Variants in CNTNAP5 observed in about 807,000 individuals in gnomAD.
CNTNAP5 encodes contactin associated protein family member 5, also known as contactin-associated protein-like 5.
Under a neutral mutation model 150.2 loss-of-function variants are expected in CNTNAP5, and 72 were observed. That is an observed-to-expected ratio of 0.48 (90% CI 0.40 to 0.58). The LOEUF (loss-of-function observed/expected upper bound fraction) is 0.58. Among genes scored for constraint, CNTNAP5 ranks in the 20% least tolerant of loss-of-function variants. The pLI is 0.00. For synonymous variants in CNTNAP5, 672 were observed against 619.8 expected (o/e 1.08, Z -1.25); for missense variants, 1,636 against 1,626.2 (o/e 1.01, Z -0.10).
intron 5 of CNTNAP5, among the ~76,000 whole-genome samples, chr2:124,438,537 G>A (rs972079728): frequency 6.6e-6 from 1 of 152,160 alleles, no homozygotes; most frequent in African/African-American, 2.4e-5. Context: ...ACTCAAGTGA[G>A]ACTCCTAGAA....
intron 21 of CNTNAP5, among the ~76,000 whole-genome samples, chr2:124,895,927 G>C (rs909833207): frequency 2.6e-5 from 4 of 151,546 alleles, no homozygotes; most frequent in Non-Finnish European, 5.9e-5. Context: ...TTGGGGGAAG[G>C]CCAATGGGCA....
chr2:124,896,999 T>A (rs1213433704), intron 21 of CNTNAP5, among the ~76,000 whole-genome samples: 1 of 151,650 alleles, frequency 6.6e-6, no homozygotes, highest in Non-Finnish European at 1.5e-5. Flanking sequence ...GCCTGAAACA[T>A]GTAACCATCT....
intron 20 of CNTNAP5, among the ~76,000 whole-genome samples, chr2:124,867,369 C>CT (rs1677655130): frequency 6.6e-6 from 1 of 152,050 alleles, no homozygotes; most frequent in Non-Finnish European, 1.5e-5. Context: ...TTTTCCCTAC[C>CT]TTTTTCTTAT....
At chr2:124,789,348 G>A (rs961826214) in intron 17 of CNTNAP5, among the ~76,000 whole-genome samples, 2 of 152,038 alleles carry the variant, frequency 1.3e-5, no homozygotes, top group Non-Finnish European at 2.9e-5. Context: ...GTATGTATAC[G>A]GAAAGAGCTT....
chr2:124,061,263 A>G (rs1285004162), intron 1 of CNTNAP5, among the ~76,000 whole-genome samples: 1 of 152,222 alleles, frequency 6.6e-6, no homozygotes, highest in Non-Finnish European at 1.5e-5. Context: ...TATTGTCTTT[A>G]ATCTATCACT....
chr2:124,399,853 A>T (rs74574937), intron 3 of CNTNAP5, among the ~76,000 whole-genome samples: 1 of 152,118 alleles, frequency 6.6e-6, no homozygotes. Flanking sequence ...ACACTTTATT[A>T]TTTGCCTCTC....
At chr2:124,038,163 G>A (rs1164069175) in intron 1 of CNTNAP5, among the ~76,000 whole-genome samples, 1 of 152,170 alleles carries the variant, frequency 6.6e-6, no homozygotes, top group East Asian at 1.9e-4. Flanking sequence ...GCTCAGTGAT[G>A]GGACCCTGTC....
At chr2:124,740,820 G>A (rs75828170) in intron 13 of CNTNAP5, among the ~76,000 whole-genome samples, 5,311 of 152,204 alleles carry the variant, frequency 0.035, 328 homozygotes, top group African/African-American at 0.12. Context: ...TTCTGGGGCC[G>A]TGGCTGGAGA....
chr2:124,419,354 G>C (rs1692023092), intron 4 of CNTNAP5, among the ~76,000 whole-genome samples: 1 of 152,080 alleles, frequency 6.6e-6, no homozygotes, highest in Non-Finnish European at 1.5e-5. Context: ...AAGAGTCACA[G>C]CATCGAGTTA....
intron 3 of CNTNAP5, among the ~76,000 whole-genome samples, chr2:124,305,291 A>G (rs922950859): frequency 3.9e-5 from 6 of 151,922 alleles, no homozygotes; most frequent in African/African-American, 1.5e-4. Flanking sequence ...CAAACAAAAA[A>G]GGTGACACTG....
chr2:124,179,456 G>A (rs796292591), intron 1 of CNTNAP5, among the ~76,000 whole-genome samples: 14 of 152,182 alleles, frequency 9.2e-5, no homozygotes, highest in African/African-American at 3.1e-4. Context: ...CATCATGCCC[G>A]GCCTAACTTC....
At chr2:124,901,236 T>G (rs984456808) in intron 21 of CNTNAP5, among the ~76,000 whole-genome samples, 1 of 151,576 alleles carries the variant, frequency 6.6e-6, no homozygotes, top group Admixed American at 6.6e-5. Context: ...CACAAAGATG[T>G]CTGTGTCCTA....
rs1679689365 is a variant in CNTNAP5 at position 124,707,100 on chromosome 2, GGAAGAAGAAGAGGAAGAAGAAGAAAGAA to G, written c.2078-40104_2078-40077del. Among the ~76,000 whole-genome samples the G allele has an allele frequency of 2.2e-5, 2 of 92,354 alleles. 1 individual carries two copies. Among genetic ancestry groups the G allele is most frequent in the Non-Finnish European group, 4.4e-5 (2 of 45,690 alleles). The allele number at this position is 92,354 out of a possible 152,430, so 60.6% of individuals were successfully genotyped here. On this transcript the variant is annotated intron_variant, in intron 13 of 23. Coordinates refer to ENST00000682447, the MANE Select transcript of CNTNAP5 (RefSeq NM_001367498.1). Reference sequence around the variant, plus strand: ...AAGAAGAAGAGGAAGAAGAAGAAGAGGAAGAAGAAGAGGAAGAAGAAGAAAGAAGAAGAAGAAGAGGAAGAAGAAGAAG... The same window carrying G: ...AAGAAGAAGAGGAAGAAGAAGAAGAGGAAGAAGAAGAGGAAGAAGAAGAAG...
At chr2:124,512,018 G>A (rs1694603660) in intron 8 of CNTNAP5, among the ~76,000 whole-genome samples, 1 of 151,356 alleles carries the variant, frequency 6.6e-6, no homozygotes, top group Non-Finnish European at 1.5e-5. Context: ...AAATATATTA[G>A]GTCTTCAACC....
intron 12 of CNTNAP5, 79 bp from the exon 13 acceptor site, chr2:124,647,678 TG>T: frequency 7.8e-7 from 1 of 1,281,046 alleles, no homozygotes; most frequent in Non-Finnish European, 1.1e-6. Flanking sequence ...GCACGCTGAG[TG>T]GCCCATCACA....
intron 3 of CNTNAP5, among the ~76,000 whole-genome samples, chr2:124,392,253 G>A (rs1691133472): frequency 6.6e-6 from 1 of 152,138 alleles, no homozygotes; most frequent in African/African-American, 2.4e-5. Context: ...AAGCTGATGA[G>A]GAAAAGGTCA....
intron 1 of CNTNAP5, among the ~76,000 whole-genome samples, chr2:124,200,945 A>G (rs569883597): frequency 2.0e-5 from 3 of 152,196 alleles, no homozygotes; most frequent in South Asian, 2.1e-4. Flanking sequence ...TCTAAGACCC[A>G]TATGTCCTCT....
chr2:124,795,950 T>C (rs912537859), intron 18 of CNTNAP5, among the ~76,000 whole-genome samples: 2 of 152,142 alleles, frequency 1.3e-5, no homozygotes, highest in African/African-American at 2.4e-5. Context: ...TCATGGTCAC[T>C]AGAAATCACT....
At chr2:124,438,994 C>T (rs563771263) in intron 5 of CNTNAP5, among the ~76,000 whole-genome samples, 1 of 151,932 alleles carries the variant, frequency 6.6e-6, no homozygotes, top group South Asian at 2.1e-4. Flanking sequence ...TCAATCCTAC[C>T]CCAATTCTCT....
Sources: gnomAD v4.1 joint callset for allele counts (sites outside exome capture counted in the v4.1 genomes callset) on GRCh38, gnomAD v4.1.1 for gene constraint, MANE v1.5 for transcripts, NCBI Gene and HGNC (gene_info 2026-07-23, HGNC 2026-07-21) for gene names.